The following SLC2A5 variants were observed in gnomAD, a reference collection of about 807,000 sequenced individuals.
SLC2A5 encodes solute carrier family 2, facilitated glucose transporter member 5.
SLC2A5 carries 56 observed loss-of-function variants against 50.3 expected under a neutral mutation model. That is an observed-to-expected ratio of 1.11 (90% confidence interval 0.90 to 1.39). The LOEUF is 1.39. Among genes scored for constraint, SLC2A5 ranks in the 40% most tolerant of loss-of-function variants. SLC2A5 has a pLI of 0.00. For missense variants in SLC2A5, 566 were observed against 650.1 expected (o/e 0.87, Z 1.41); for synonymous variants, 269 against 281.9 (o/e 0.95, Z 0.46).
chr1:9,091,157 T>C (rs1006643302), upstream of SLC2A5, among the ~76,000 whole-genome samples: 2 of 152,208 alleles, frequency 1.3e-5, no homozygotes, highest in African/African-American at 4.8e-5. Context: ...CTAAACTCCT[T>C]TATTAACACA....
At chr1:9,052,415 T>G (rs1384977341) in intron 3 of SLC2A5, among the ~76,000 whole-genome samples, 1 of 152,108 alleles carries the variant, frequency 6.6e-6, no homozygotes, top group Non-Finnish European at 1.5e-5. Flanking sequence ...AGGGGGTGAC[T>G]AGGCAGAGCA....
chr1:9,083,683 G>C (rs2124482789), intron 2 of SLC2A5, among the ~76,000 whole-genome samples: 1 of 152,232 alleles, frequency 6.6e-6, no homozygotes, highest in South Asian at 2.1e-4. Flanking sequence ...AAATTAGCAG[G>C]GCATGGTGGC....
chr1:9,055,552 A>G (rs1349546496), intron 3 of SLC2A5, among the ~76,000 whole-genome samples: 1 of 151,660 alleles, frequency 6.6e-6, no homozygotes, highest in Non-Finnish European at 1.5e-5. Context: ...GAGGATTGTA[A>G]TAGTACCTCT....
Position 9,040,298 on chromosome 1 carries a change from G to A in SLC2A5, c.572-109C>T. 1 of 1,342,576 alleles carries A rather than the reference G, an allele frequency of 7.4e-7. No homozygotes were observed. Among genetic ancestry groups the A allele is most frequent in the East Asian group, 2.5e-5 (1 of 39,564 alleles). The allele number at this position is 1,342,576 out of a possible 1,614,324, so 83.2% of individuals were successfully genotyped here. A position where few individuals can be genotyped will look rare whatever the true frequency, so the allele number is the denominator to read the frequency against. The stretch of plus-strand genomic sequence containing the variant: ...ATCCTGAGTGGGGTGCAGGCTCCAG[G>A]AGGGCACAGCTTTCCCAGCCCTAAG... On this transcript the variant is annotated intron_variant, in intron 5 of 11. Transcript: ENST00000377424. The surrounding 1 kb of genome is among the most constrained non-coding windows in gnomAD (Gnocchi z 4.3).
chr1:9,087,073 C>G (rs2124487845), intron 1 of SLC2A5, among the ~76,000 whole-genome samples: 1 of 152,270 alleles, frequency 6.6e-6, no homozygotes, highest in African/African-American at 2.4e-5. Flanking sequence ...CTTTCAAAAC[C>G]CTTAAATATC....
At chr1:9,045,172 C>T (rs578194861) in intron 4 of SLC2A5, among the ~76,000 whole-genome samples, 1 of 152,300 alleles carries the variant, frequency 6.6e-6, no homozygotes, top group African/African-American at 2.4e-5. Context: ...TCTGAGAATT[C>T]AGCTGTCTTC....
At chr1:9,072,205 C>G (rs1569914672), upstream of SLC2A5, 1 of 152,240 alleles carries the variant, frequency 6.6e-6, no homozygotes, top group Non-Finnish European at 1.5e-5. Flanking sequence ...GCGAGCAGGG[C>G]GGGGTGGGAG....
Position 9,037,939 on chromosome 1 carries a change from C to T in SLC2A5, c.1260G>A (p.Trp420Ter). 6.2e-7 allele frequency: 1 copy of T among 1,613,968 alleles called. No homozygotes were observed. Among genetic ancestry groups the T allele is most frequent in the Non-Finnish European group, 8.5e-7 (1 of 1,180,032 alleles). ...SAFMVGGSVH[W>*]LSNFTVGLIF... ...TCAAGCCCACGGTGAAGTTGGAGAG[C>T]CAGTGCACACTGCCCCCCACCATGA... is the stretch of plus-strand genomic sequence containing the variant. Residue 420 changes from tryptophan to a stop codon, truncating the protein, a stop_gained, in exon 11 of 12, where the codon TGG becomes TGA. Transcript: ENST00000377424. LOFTEE classifies it low-confidence loss of function (END_TRUNC).
chr1:9,084,100 C>T (rs1201528703), intron 2 of SLC2A5, among the ~76,000 whole-genome samples: 1 of 151,888 alleles, frequency 6.6e-6, no homozygotes, highest in Non-Finnish European at 1.5e-5. Context: ...GCCGAGATAG[C>T]GCCACTGCAC....
intron 1 of SLC2A5, among the ~76,000 whole-genome samples, chr1:9,087,628 G>C (rs1029620873): frequency 1.3e-5 from 2 of 152,058 alleles, no homozygotes; most frequent in Admixed American, 6.6e-5. Flanking sequence ...TTAACTCCTG[G>C]ATCCTGAGAG....
intron 2 of SLC2A5, among the ~76,000 whole-genome samples, chr1:9,079,715 G>A (rs1030435488): frequency 1.3e-5 from 2 of 152,056 alleles, no homozygotes; most frequent in African/African-American, 4.8e-5. Flanking sequence ...TCAAACTCCC[G>A]ACCTCAGGTG....
chr1:9,082,803 T>C, intron 2 of SLC2A5: 1 of 431,694 alleles, frequency 2.3e-6, no homozygotes, highest in Non-Finnish European at 4.5e-6. Context: ...AAGTCTTTCC[T>C]GGGTTTTGAA....
chr1:9,052,032 T>G (rs1393874197), intron 3 of SLC2A5, among the ~76,000 whole-genome samples: 2 of 152,190 alleles, frequency 1.3e-5, no homozygotes, highest in Non-Finnish European at 1.5e-5. Context: ...ACGCCTGTAA[T>G]CCCAGCACCT....
chr1:9,074,366 C>T (rs989273559), upstream of SLC2A5, among the ~76,000 whole-genome samples: 1 of 151,924 alleles, frequency 6.6e-6, no homozygotes, highest in Non-Finnish European at 1.5e-5. Context: ...ATTTTGAGGG[C>T]GTCGATATTT....
chr1:9,056,336 C>A (rs934960954), intron 3 of SLC2A5, among the ~76,000 whole-genome samples: 1 of 152,102 alleles, frequency 6.6e-6, no homozygotes, highest in Non-Finnish European at 1.5e-5. Context: ...AGGCACCCAC[C>A]ACCATGCCCG....
chr1:9,057,232 G>A (rs1345485619), intron 3 of SLC2A5, among the ~76,000 whole-genome samples: 9 of 147,098 alleles, frequency 6.1e-5, no homozygotes, highest in Non-Finnish European at 1.5e-5. Context: ...GTTGCGGTGA[G>A]CCAAGATCGC....
chr1:9,037,370 G>A lies in SLC2A5; in HGVS notation c.*216C>T. 1 of 547,848 alleles carries A rather than the reference G, an allele frequency of 1.8e-6. No homozygotes were observed. The highest frequency in any genetic ancestry group is 3.3e-6 in the Non-Finnish European group (1 of 305,352). The allele number at this position is 547,848 out of a possible 1,614,324, so 33.9% of individuals were successfully genotyped here. The stretch of plus-strand genomic sequence containing the variant: ...CCAGCTGTTTAATTGACTCGGGTCT[G>A]GTGACAGGCCAACATGGAGAGAGAC... On this transcript the variant is annotated 3_prime_UTR_variant, in exon 12 of 12. Coordinates refer to ENST00000377424, the MANE Select transcript of SLC2A5 (RefSeq NM_003039.3).
At chr1:9,059,991 CA>C (rs1386424626) in intron 1 of SLC2A5, among the ~76,000 whole-genome samples, 1 of 137,916 alleles carries the variant, frequency 7.3e-6, no homozygotes, top group Non-Finnish European at 1.5e-5. Flanking sequence ...ATACTACACA[CA>C]CACACACACA....
chr1:9,059,132 CTTTCTTTTTTTTTT>C (rs1220904855), intron 1 of SLC2A5, among the ~76,000 whole-genome samples: 3 of 80,364 alleles, frequency 3.7e-5, no homozygotes, highest in African/African-American at 5.6e-5. Context: ...AGCCGCCTTT[CTTTCTTTTTTTTTT>C]TTTTTTTTTT....
Sources: allele counts gnomAD v4.1 joint callset (sites outside exome capture counted in the v4.1 genomes callset), GRCh38; gene constraint gnomAD v4.1.1; non-coding constraint Gnocchi (gnomAD v3.1); transcripts MANE v1.5; gene names NCBI Gene and HGNC (gene_info 2026-07-23, HGNC 2026-07-21).